The following TRIP12 variants were observed in gnomAD, a reference collection of about 807,000 sequenced individuals.
The protein encoded by TRIP12 is thyroid hormone receptor interactor 12.
In TRIP12, 25 loss-of-function variants were observed where a neutral mutation model predicts 244.2. The ratio of observed to expected loss-of-function variants is 0.10; its 90% CI spans 0.07 to 0.14. The LOEUF is 0.14. Ranked by LOEUF, TRIP12 falls within the 10% of genes least tolerant of loss-of-function variation. TRIP12 has a pLI of 1.00. For missense variants in TRIP12, 1,677 were observed against 2,486.4 expected (o/e 0.67, Z 6.92); for synonymous variants, 905 against 873.1 (o/e 1.04, Z -0.64).
intron 7 of TRIP12, 121 bp downstream of exon 7, chr2:229,830,635 G>T: frequency 1.1e-6 from 1 of 890,648 alleles, no homozygotes; most frequent in Non-Finnish European, 1.6e-6. Flanking sequence ...TTTTTTTCTT[G>T]GAGGTGCAGG....
intron 15 of TRIP12, among the ~76,000 whole-genome samples, chr2:229,810,115 T>C (rs2046897844): frequency 6.6e-6 from 1 of 152,182 alleles, no homozygotes; most frequent in African/African-American, 2.4e-5. Context: ...ATCCTAGTAC[T>C]ATGGGAGGCC....
At chr2:229,893,836 C>T (rs1280456073) in intron 1 of TRIP12, among the ~76,000 whole-genome samples, 2 of 152,148 alleles carry the variant, frequency 1.3e-5, no homozygotes, top group Non-Finnish European at 1.5e-5. Context: ...TCCTGAGTAG[C>T]TGTGAGTATA....
At chr2:229,850,826 T>C (rs1213165413) in intron 4 of TRIP12, among the ~76,000 whole-genome samples, 1 of 152,210 alleles carries the variant, frequency 6.6e-6, no homozygotes, top group Non-Finnish European at 1.5e-5. Flanking sequence ...CAGCCGGCCC[T>C]GCCGGCCCCA....
chr2:229,809,945 AT>A (rs1437016759), intron 15 of TRIP12, among the ~76,000 whole-genome samples: 70 of 152,312 alleles, frequency 4.6e-4, no homozygotes, highest in African/African-American at 1.6e-3. Flanking sequence ...ACCAAAGACC[AT>A]TTTATCAGTT....
chr2:229,770,822 G>A (rs1190709654), intron 39 of TRIP12, among the ~76,000 whole-genome samples: 3 of 152,162 alleles, frequency 2.0e-5, no homozygotes, highest in African/African-American at 7.2e-5. Context: ...TCAAAAAGGG[G>A]AGTTTCCCCG....
In TRIP12 at chr2:229,880,092, CTT is replaced by C. The variant is rs1164712333; in HGVS notation, c.-15_-14del. 6.2e-7 allele frequency: 1 copy of C among 1,612,898 alleles called. No homozygotes were observed. Among genetic ancestry groups the C allele is most frequent in the Non-Finnish European group, 8.5e-7 (1 of 1,179,120 alleles). On this transcript the variant is annotated 5_prime_UTR_variant, in exon 2 of 42. Transcript: ENST00000675903. Reference sequence around the variant, plus strand: ...GCCGGTTGGACATTGGCACCTCTCTCTTGAAGGGACATACCCTTTCTAGACAC... The same window carrying C: ...GCCGGTTGGACATTGGCACCTCTCTCGAAGGGACATACCCTTTCTAGACAC...
chr2:229,805,477 T>A (rs2045644438), intron 18 of TRIP12, among the ~76,000 whole-genome samples: 1 of 152,116 alleles, frequency 6.6e-6, no homozygotes, highest in African/African-American at 2.4e-5. Flanking sequence ...CAGGATCAGA[T>A]AAAAATCTGT....
intron 38 of TRIP12, among the ~76,000 whole-genome samples, chr2:229,773,032 C>T (rs1241911197): frequency 6.6e-6 from 1 of 151,638 alleles, no homozygotes; most frequent in Admixed American, 6.6e-5. Context: ...AAATTATTTT[C>T]CTGAATTTAG....
chr2:229,897,664 TTATC>T (rs2069267433), intron 1 of TRIP12, among the ~76,000 whole-genome samples: 1 of 152,074 alleles, frequency 6.6e-6, no homozygotes, highest in Admixed American at 6.6e-5. Flanking sequence ...ATAAAGATAA[TTATC>T]TATTCAAGTT....
rs1002575205 is a variant in TRIP12, at chr2:229,858,928, T to C, written c.871A>G (p.Lys291Glu). Residue 291 changes from lysine (K) to glutamate (E), a missense_variant, in exon 4 of 42, where the codon AAG (lysine) becomes GAG (glutamate). Physicochemically the swap from Lys to Glu is moderately conservative, Grantham distance 56. Transcript: ENST00000675903. ...SPSPRRSSRE[K>E]EQSKTGGSSK... is the part of the protein sequence containing the mutation. ...GAGCCACCAGTTTTACTCTGTTCCT[T>C]TTCCCTGCTACTTCTTCTGGGGCTG... 2 of 1,614,098 alleles carry C rather than the reference T, an allele frequency of 1.2e-6. No individual in the cohort carries two copies. The highest frequency in any genetic ancestry group is 2.7e-5 in the African/African-American group (2 of 74,936).
At chr2:229,845,788 T>C (rs976230733) in intron 4 of TRIP12, among the ~76,000 whole-genome samples, 7 of 151,868 alleles carry the variant, frequency 4.6e-5, no homozygotes, top group African/African-American at 1.5e-4. Flanking sequence ...CAGTTCAGAA[T>C]GCAGAGGCAG....
intron 9 of TRIP12, among the ~76,000 whole-genome samples, chr2:229,818,039 G>A (rs886832233): frequency 2.6e-5 from 4 of 151,972 alleles, no homozygotes; most frequent in African/African-American, 7.3e-5. Context: ...TTGCTCCGTG[G>A]ATCACCAGGC....
chr2:229,818,566 G>C, intron 8 of TRIP12, 54 bp from the exon 9 acceptor site: 1 of 1,515,276 alleles, frequency 6.6e-7, no homozygotes, highest in Non-Finnish European at 9.0e-7. Flanking sequence ...ATTATTACTA[G>C]GTATAAGGTG....
At chr2:229,812,986 T>C (rs1479036519) in intron 13 of TRIP12, among the ~76,000 whole-genome samples, 1 of 152,148 alleles carries the variant, frequency 6.6e-6, no homozygotes, top group African/African-American at 2.4e-5. Context: ...AAAATTCAAT[T>C]TCTCCATAGC....
intron 4 of TRIP12, among the ~76,000 whole-genome samples, chr2:229,848,345 A>C: frequency 9.1e-6 from 1 of 109,924 alleles, no homozygotes. Context: ...ACACACACAA[A>C]TACTTGAGAT....
intron 24 of TRIP12, 52 bp downstream of exon 24, chr2:229,797,636 GGA>G (rs2043148378): frequency 2.5e-6 from 4 of 1,593,000 alleles, no homozygotes; most frequent in Non-Finnish European, 3.4e-6. Context: ...AAGAGTAGCA[GGA>G]GATGCTGGGA....
intron 4 of TRIP12, among the ~76,000 whole-genome samples, chr2:229,855,425 C>T (rs2059421231): frequency 6.6e-6 from 1 of 151,788 alleles, no homozygotes; most frequent in Admixed American, 6.6e-5. Context: ...ATTTGAAAAA[C>T]AGCAAATATA....
intron 4 of TRIP12, among the ~76,000 whole-genome samples, chr2:229,841,754 C>G (rs2056469468): frequency 6.6e-6 from 1 of 152,186 alleles, no homozygotes; most frequent in East Asian, 1.9e-4. Flanking sequence ...TTAACTTTTT[C>G]AGAGACTAAT....
At chr2:229,773,983 C>A in intron 38 of TRIP12, 114 bp downstream of exon 38, 1 of 1,097,288 alleles carries the variant, frequency 9.1e-7, no homozygotes, top group East Asian at 2.4e-5. Context: ...ATGCAGTGGT[C>A]CTGGGGATGT....
Sources: gnomAD v4.1 joint callset for allele counts (sites outside exome capture counted in the v4.1 genomes callset) on GRCh38, gnomAD v4.1.1 for gene constraint, MANE v1.5 for transcripts, NCBI Gene and HGNC (gene_info 2026-07-23, HGNC 2026-07-21) for gene names.